ADAMTS9: variants seen among roughly 807,000 people sequenced by gnomAD.
ADAMTS9 encodes A disintegrin and metalloproteinase with thrombospondin motifs 9.
Under a neutral mutation model 257.1 loss-of-function variants are expected in ADAMTS9, and 107 were observed. The ratio of observed to expected loss-of-function variants is 0.42; its 90% CI spans 0.36 to 0.49. ADAMTS9 has a LOEUF of 0.49. ADAMTS9 is among the 20% of genes least tolerant of loss of function. The pLI, the probability that ADAMTS9 is intolerant of heterozygous loss-of-function variation, is 0.03. For missense variants in ADAMTS9, 2,353 were observed against 2,469.1 expected (o/e 0.95, Z 1.00); for synonymous variants, 982 against 880.9 (o/e 1.11, Z -2.03).
chr3:64,631,499 C>T lies in ADAMTS9; in HGVS notation c.2345G>A (p.Arg782Gln), dbSNP rs931459449. ...IPAGATNIDV[R>Q]QHSFSGETDD... is the part of the protein sequence containing the mutation. ...TGTTTCCCCTGAGAAACTGTGCTGC[C>T]GCACATCAATATTGGTAGCACCAGC... Residue 782 changes from arginine (R) to glutamine (Q), a missense_variant, in exon 16 of 40, where the codon CGG becomes CAG. By Grantham distance (43) the Arg-to-Gln change is conservative. This residue lies in a region of ADAMTS9 where 360 missense variants were observed against 458.1 expected (regional missense o/e 0.79). Coordinates refer to ENST00000498707, the MANE Select transcript of ADAMTS9 (RefSeq NM_182920.2). The T allele has an allele frequency of 9.9e-6, 16 of 1,614,102 alleles. No individual in the cohort carries two copies. Among genetic ancestry groups the T allele is most frequent in the Admixed American group, 3.3e-5 (2 of 60,026 alleles).
At chr3:64,559,748 C>T (rs1038116166) in intron 30 of ADAMTS9, among the ~76,000 whole-genome samples, 1 of 152,332 alleles carries the variant, frequency 6.6e-6, no homozygotes, top group East Asian at 1.9e-4. Context: ...AAGGTTTTTC[C>T]ATTCTTCGGG....
chr3:64,582,503 C>T (rs1407567495), intron 28 of ADAMTS9: 1 of 152,176 alleles, frequency 6.6e-6, no homozygotes, highest in Non-Finnish European at 1.5e-5. Context: ...TGTTCTACCT[C>T]TCTAATGCCC....
At chr3:64,604,998 A>C (rs2084532549) in intron 23 of ADAMTS9, among the ~76,000 whole-genome samples, 1 of 152,226 alleles carries the variant, frequency 6.6e-6, no homozygotes, top group South Asian at 2.1e-4. Flanking sequence ...TTATCCTGTG[A>C]CTTAATACAT....
At chr3:64,649,128 C>T (rs1446236881) in intron 10 of ADAMTS9, among the ~76,000 whole-genome samples, 1 of 152,154 alleles carries the variant, frequency 6.6e-6, no homozygotes, top group African/African-American at 2.4e-5. Context: ...AACTATCACA[C>T]AGCCACCCCA....
chr3:64,524,287 T>C (rs1415536655), intron 38 of ADAMTS9, among the ~76,000 whole-genome samples: 1 of 152,204 alleles, frequency 6.6e-6, no homozygotes, highest in Non-Finnish European at 1.5e-5. Flanking sequence ...GTGATTAATA[T>C]GCAATGTAGT....
At chr3:64,608,210 C>A (rs1231720615) in intron 22 of ADAMTS9, among the ~76,000 whole-genome samples, 2 of 143,972 alleles carry the variant, frequency 1.4e-5, no homozygotes, top group East Asian at 4.0e-4. Context: ...AAATCCACAA[C>A]CTAACTTTAC....
intron 16 of ADAMTS9, 112 bp downstream of exon 16, chr3:64,631,343 A>C (rs1700362567): frequency 1.2e-6 from 1 of 831,246 alleles, no homozygotes; most frequent in South Asian, 1.6e-5. Context: ...ATTTTATGAA[A>C]ATCCATGACA....
At position 64,645,464 on chromosome 3, in the gene ADAMTS9, G is replaced by A. The variant is rs577351205; in HGVS notation, c.1710+2476C>T. Among the ~76,000 whole-genome samples the A allele has an allele frequency of 2.3e-3, 348 of 152,146 alleles. 3 individuals are homozygous for A. Among genetic ancestry groups the A allele is most frequent in the African/African-American group, 7.9e-3 (330 of 41,532 alleles). ...TACTGCTGCAGGAGCAGAACAGAAAGAAGAAAAAGAAAGAAAAAACATTAA... is the reference window on the plus strand; with the variant it reads ...TACTGCTGCAGGAGCAGAACAGAAAAAAGAAAAAGAAAGAAAAAACATTAA... On this transcript the variant is annotated intron_variant, in intron 11 of 39. Coordinates refer to ENST00000498707, the MANE Select transcript of ADAMTS9 (RefSeq NM_182920.2).
chr3:64,557,321 T>C (rs1467219591), intron 30 of ADAMTS9, among the ~76,000 whole-genome samples: 1 of 152,200 alleles, frequency 6.6e-6, no homozygotes, highest in East Asian at 1.9e-4. Context: ...ACAATTCAAA[T>C]TTGACCAGAA....
intron 27 of ADAMTS9, among the ~76,000 whole-genome samples, chr3:64,595,792 T>C (rs1277104304): frequency 2.3e-5 from 3 of 132,636 alleles, no homozygotes; most frequent in South Asian, 5.2e-4. Context: ...ATCTCATTTG[T>C]CTTTTTCCCC....
chr3:64,633,433 C>T (rs141188186), intron 14 of ADAMTS9, 39 bp downstream of exon 14: 77 of 1,608,808 alleles, frequency 4.8e-5, no homozygotes, highest in Non-Finnish European at 6.3e-5. Flanking sequence ...AGGTTGGCAG[C>T]GGGAAAACAC....
chr3:64,684,732 A>G (rs1334719692), intron 2 of ADAMTS9, among the ~76,000 whole-genome samples: 3 of 152,184 alleles, frequency 2.0e-5, no homozygotes, highest in Non-Finnish European at 4.4e-5. Context: ...GTTCCCAAAG[A>G]AACCACGTGC....
intron 28 of ADAMTS9, chr3:64,582,790 C>T (rs539702430): frequency 6.6e-6 from 1 of 152,260 alleles, no homozygotes; most frequent in South Asian, 2.1e-4. Flanking sequence ...TACCTATTCA[C>T]AATCCATGGA....
chr3:64,663,216 AATCAT>A (rs1252723058), intron 3 of ADAMTS9, among the ~76,000 whole-genome samples: 9 of 152,248 alleles, frequency 5.9e-5, no homozygotes, highest in Middle Eastern at 3.4e-3. Context: ...TATACCAAAG[AATCAT>A]TAAACTGTAC....
chr3:64,526,817 C>T (rs777536382), intron 38 of ADAMTS9, among the ~76,000 whole-genome samples: 45 of 152,088 alleles, frequency 3.0e-4, no homozygotes, highest in Non-Finnish European at 5.3e-4. Context: ...ATGTAATGTG[C>T]TTAGCATAGT....
Position 64,681,186 on chromosome 3 carries a change from G to T in ADAMTS9, c.679+15C>A. 1.2e-6 allele frequency: 2 copies of T among 1,608,382 alleles called. No homozygotes were observed. The highest frequency in any genetic ancestry group is 1.7e-6 in the Non-Finnish European group (2 of 1,178,130). On this transcript the variant is annotated intron_variant, in intron 3 of 39. Transcript: ENST00000498707. ...TCAAAGAGCTGGGCTCTCCGCTTAA[G>T]CAAGAAGCAAATACCTGAGGTGTCA...
At chr3:64,669,943 T>C (rs560360698) in intron 3 of ADAMTS9, among the ~76,000 whole-genome samples, 2 of 152,318 alleles carry the variant, frequency 1.3e-5, no homozygotes, top group Admixed American at 6.5e-5. Flanking sequence ...ATTAGGAAAC[T>C]GGCTTGAAAG....
chr3:64,637,744 A>T (rs549329101), intron 12 of ADAMTS9, among the ~76,000 whole-genome samples: 1 of 152,372 alleles, frequency 6.6e-6, no homozygotes, highest in East Asian at 1.9e-4. Flanking sequence ...GGTTTTTAAG[A>T]AGGGGCCTGA....
chr3:64,673,736 T>C (rs1174265608), intron 3 of ADAMTS9, among the ~76,000 whole-genome samples: 1 of 152,066 alleles, frequency 6.6e-6, no homozygotes, highest in Admixed American at 6.6e-5. Context: ...AATAATATTA[T>C]AGTTACTTAG....
Sources: gnomAD v4.1 joint callset for allele counts (sites outside exome capture counted in the v4.1 genomes callset) on GRCh38, gnomAD v4.1.1 for gene constraint, gnomAD v4.1.1 regional missense constraint, MANE v1.5 for transcripts, NCBI Gene and HGNC (gene_info 2026-07-23, HGNC 2026-07-21) for gene names.